The following IGSF3 variants were observed in gnomAD, a reference collection of about 807,000 sequenced individuals.
The protein encoded by IGSF3 is glu-Trp-Ile EWI motif-containing protein 3.
A neutral mutation model predicts 114.4 loss-of-function variants in IGSF3; 23 were observed. That is an observed-to-expected ratio of 0.20 (90% confidence interval 0.14 to 0.28). The LOEUF (loss-of-function observed/expected upper bound fraction) is 0.28. IGSF3 is among the 10% of genes least tolerant of loss of function. IGSF3 has a pLI of 1.00. For missense variants in IGSF3, 1,172 were observed against 1,591.5 expected (o/e 0.74, Z 4.48); for synonymous variants, 571 against 645.2 (o/e 0.88, Z 1.74).
At position 116,598,416 on chromosome 1, in the gene IGSF3, C is replaced by T. The variant is rs1488446652; in HGVS notation, c.2029+1525G>A. On this transcript the variant is annotated intron_variant, in intron 7 of 10. Transcript: ENST00000369486. The surrounding 1 kb of genome is among the most constrained non-coding windows in gnomAD (Gnocchi z 4.3). ...TCCATTTAAGCAAAACAGCCTCTTC[C>T]CTGAGCCTCTTGTCAGTCGAAGTTT... Among the ~76,000 whole-genome samples, 1 of 152,218 alleles carries T rather than the reference C, an allele frequency of 6.6e-6. No individual in the cohort carries two copies. The highest frequency in any genetic ancestry group is 2.4e-5 in the African/African-American group (1 of 41,452).
At chr1:116,621,641 A>T (rs956002773) in intron 2 of IGSF3, among the ~76,000 whole-genome samples, 28 of 152,242 alleles carry the variant, frequency 1.8e-4, no homozygotes, top group African/African-American at 6.5e-4. Context: ...TAATGTAGAC[A>T]CCTGCAGTCC....
chr1:116,614,225 G>C lies in IGSF3; in HGVS notation c.422-50C>G. 1 of 1,494,614 alleles carries C rather than the reference G, an allele frequency of 6.7e-7. No homozygotes were observed. Among genetic ancestry groups the C allele is most frequent in the Non-Finnish European group, 9.3e-7 (1 of 1,080,308 alleles). The allele number at this position is 1,494,614 out of a possible 1,614,324, so 92.6% of individuals were successfully genotyped here. ...GTGCAGTCACAAAGCCACAGAATCTGAGACTCCCAGGGCTAAGCTCCCATT... is the reference window on the plus strand; with the variant it reads ...GTGCAGTCACAAAGCCACAGAATCTCAGACTCCCAGGGCTAAGCTCCCATT... On this transcript the variant is annotated intron_variant, in intron 3 of 10. Transcript: ENST00000369486. The surrounding 1 kb of genome is among the most constrained non-coding windows in gnomAD (Gnocchi z 4.5).
Position 116,614,981 on chromosome 1 carries a change from C to A in IGSF3, c.422-806G>T, listed in dbSNP as rs1002873079. Among the ~76,000 whole-genome samples, 1 of 152,104 alleles carries A rather than the reference C, an allele frequency of 6.6e-6. No individual in the cohort carries two copies. The highest frequency in any genetic ancestry group is 2.4e-5 in the African/African-American group (1 of 41,410). ...CCCAAGGCTTGGGTCTTACGGGTCT[C>A]CTGCTGGGAACGGCCAAGTGCGGTG... On this transcript the variant is annotated intron_variant, in intron 3 of 10. Coordinates refer to ENST00000369486, the MANE Select transcript of IGSF3 (RefSeq NM_001007237.3). This position sits in a 1 kb window ranked among gnomAD's most constrained non-coding sequence, Gnocchi z 4.5.
Position 116,661,843 on chromosome 1 carries a change from A to G in IGSF3, c.43+4441T>C, listed in dbSNP as rs1649129753. 1.3e-5 allele frequency among the ~76,000 whole-genome samples: 2 copies of G among 152,212 alleles called. No individual in the cohort carries two copies. The highest frequency in any genetic ancestry group is 4.8e-5 in the African/African-American group (2 of 41,448). ...TGCAGCTAAATATGGTCACATGACT[A>G]GGTTCTAGCCAATGAGAATGTTAGT... is the stretch of plus-strand genomic sequence containing the variant. On this transcript the variant is annotated intron_variant, in intron 2 of 10. Coordinates refer to ENST00000369486, the MANE Select transcript of IGSF3 (RefSeq NM_001007237.3). The surrounding 1 kb of genome is among the most constrained non-coding windows in gnomAD (Gnocchi z 4.0).
chr1:116,664,443 C>T lies in IGSF3; in HGVS notation c.43+1841G>A, dbSNP rs517857. On this transcript the variant is annotated intron_variant, in intron 2 of 10. Transcript: ENST00000369486. This position sits in a 1 kb window ranked among gnomAD's most constrained non-coding sequence, Gnocchi z 4.6. ...AACAAAAGGCACAAATGTCACATTG[C>T]CTTGTTTTCCCATTGATGGTTACTT... 0.51 allele frequency among the ~76,000 whole-genome samples: 76,795 copies of T among 151,912 alleles called. 20,848 individuals carry two copies. The highest frequency in any genetic ancestry group is 0.61 in the Non-Finnish European group (41,194 of 67,932).
rs185422591 is a variant in IGSF3, at chr1:116,588,188, T to A, written c.2440+506A>T. On this transcript the variant is annotated intron_variant, in intron 8 of 10. Transcript: ENST00000369486. The surrounding 1 kb of genome is among the most constrained non-coding windows in gnomAD (Gnocchi z 4.9). ...AGGGAGAGGAATAAGGGCTACACCATGGGATCAAGGAAGGGCCAGAGGAGG... is the reference window on the plus strand; with the variant it reads ...AGGGAGAGGAATAAGGGCTACACCAAGGGATCAAGGAAGGGCCAGAGGAGG... Among the ~76,000 whole-genome samples, 3 of 152,114 alleles carry A rather than the reference T, an allele frequency of 2.0e-5. No homozygotes were observed. The highest frequency in any genetic ancestry group is 2.0e-4 in the Admixed American group (3 of 15,286).
chr1:116,654,317 T>G lies in IGSF3; in HGVS notation c.43+11967A>C, dbSNP rs1648756447. Reference sequence around the variant, plus strand: ...CCACCAGGCAGAATTTACAACCGTCTGGGACCTGCAGTCTCAGAGGGCTCA... The same window carrying G: ...CCACCAGGCAGAATTTACAACCGTCGGGGACCTGCAGTCTCAGAGGGCTCA... On this transcript the variant is annotated intron_variant, in intron 2 of 10. Coordinates refer to ENST00000369486, the MANE Select transcript of IGSF3 (RefSeq NM_001007237.3). The surrounding 1 kb of genome is among the most constrained non-coding windows in gnomAD (Gnocchi z 4.4). 6.6e-6 allele frequency among the ~76,000 whole-genome samples: 1 copy of G among 152,218 alleles called. No homozygotes were observed.
Position 116,603,541 on chromosome 1 carries a change from T to C in IGSF3, c.1624+83A>G. 1 of 1,387,354 alleles carries C rather than the reference T, an allele frequency of 7.2e-7. No homozygotes were observed. The highest frequency in any genetic ancestry group is 2.3e-5 in the East Asian group (1 of 43,568). 85.9% of individuals were successfully genotyped at this position (1,387,354 alleles called of 1,614,324 possible). ...TGGCCATAGTTTCCTGCTAAAACTC[T>C]GACTGAGAAAAGTCAGGATAAGGTG... On this transcript the variant is annotated intron_variant, in intron 6 of 10. Coordinates refer to ENST00000369486, the MANE Select transcript of IGSF3 (RefSeq NM_001007237.3). This position sits in a 1 kb window ranked among gnomAD's most constrained non-coding sequence, Gnocchi z 7.1.
Position 116,588,105 on chromosome 1 carries a change from G to A in IGSF3, c.2440+589C>T, listed in dbSNP as rs1659931257. ...GCCCAAAAATGGAACTGAGGCTTGC[G>A]GACTGAATAGCTCTCCCTCCCTGGA... On this transcript the variant is annotated intron_variant, in intron 8 of 10. Coordinates refer to ENST00000369486, the MANE Select transcript of IGSF3 (RefSeq NM_001007237.3). This position sits in a 1 kb window ranked among gnomAD's most constrained non-coding sequence, Gnocchi z 4.9. Among the ~76,000 whole-genome samples the A allele has an allele frequency of 6.6e-6, 1 of 152,106 alleles. No individual in the cohort carries two copies. Among genetic ancestry groups the A allele is most frequent in the South Asian group, 2.1e-4 (1 of 4,830 alleles).
In IGSF3 at chr1:116,613,790, T is replaced by C; in HGVS notation, c.807A>G (p.Gly269=). 1 of 1,613,816 alleles carries C rather than the reference T, an allele frequency of 6.2e-7. No individual in the cohort carries two copies. ...CAGTTGGCTGGACGTTGACCACGGC[T>C]CCCTCGGAACGCTTTCGGGTCATAG... ...WYAMTRKRSE[G]AVVNVQPTDK... is the part of the protein sequence containing the mutation. Residue 269 remains glycine, a synonymous_variant, in exon 4 of 11, where the codon GGA becomes GGG. Coordinates refer to ENST00000369486, the MANE Select transcript of IGSF3 (RefSeq NM_001007237.3).
chr1:116,587,415 GA>G (rs1659897606), intron 8 of IGSF3, among the ~76,000 whole-genome samples: 1 of 152,150 alleles, frequency 6.6e-6, no homozygotes, highest in South Asian at 2.1e-4. Flanking sequence ...AATGAGCTAG[GA>G]ATCCCCCTTC....
rs775047490 is a variant in IGSF3 at position 116,579,673 on chromosome 1, T to TCCG, written c.3052_3053insCGG (p.Glu1017_Glu1018insAla). The stretch of plus-strand genomic sequence containing the variant: ...GTCGTCGTCGTCGTCGTCGTCCTCC[T>TCCG]CCTCCTCCTCCTCCCTTTCCTCTTC... On this transcript the variant is annotated inframe_insertion, in exon 10 of 11. Transcript: ENST00000369486. The surrounding 1 kb of genome is among the most constrained non-coding windows in gnomAD (Gnocchi z 6.4). 1 of 1,587,924 alleles carries TCCG rather than the reference T, an allele frequency of 6.3e-7. No individual in the cohort carries two copies. Among genetic ancestry groups the TCCG allele is most frequent in the Non-Finnish European group, 8.6e-7 (1 of 1,164,282 alleles).
intron 2 of IGSF3, among the ~76,000 whole-genome samples, chr1:116,622,608 T>A (rs1330663568): frequency 2.0e-5 from 3 of 152,350 alleles, no homozygotes; most frequent in South Asian, 2.1e-4. Flanking sequence ...CTCCTTTTTT[T>A]AAATAAGCAA....
In IGSF3 at chr1:116,649,223, G is replaced by T. The variant is rs1459126319; in HGVS notation, c.43+17061C>A. ...CCTAGCCCAAGGCTGCTGTGGCATGGAAGGAATCAATGGAGGAATACATGG... is the reference window on the plus strand; with the variant it reads ...CCTAGCCCAAGGCTGCTGTGGCATGTAAGGAATCAATGGAGGAATACATGG... On this transcript the variant is annotated intron_variant, in intron 2 of 10. Coordinates refer to ENST00000369486, the MANE Select transcript of IGSF3 (RefSeq NM_001007237.3). This position sits in a 1 kb window ranked among gnomAD's most constrained non-coding sequence, Gnocchi z 4.5. Among the ~76,000 whole-genome samples the T allele has an allele frequency of 6.6e-6, 1 of 152,210 alleles. No homozygotes were observed.
chr1:116,590,825 C>T (rs1289979159), intron 7 of IGSF3, among the ~76,000 whole-genome samples: 1 of 152,080 alleles, frequency 6.6e-6, no homozygotes, highest in African/African-American at 2.4e-5. Context: ...CTCCCTGTAA[C>T]ACACAGACAA....
Position 116,576,671 on chromosome 1 carries a change from A to G in IGSF3, c.*641T>C, listed in dbSNP as rs1659355972. On this transcript the variant is annotated 3_prime_UTR_variant, in exon 11 of 11. Coordinates refer to ENST00000369486, the MANE Select transcript of IGSF3 (RefSeq NM_001007237.3). The surrounding 1 kb of genome is among the most constrained non-coding windows in gnomAD (Gnocchi z 4.6). Reference sequence around the variant, plus strand: ...TGTACATACACAGTTCTTTGAAGCAAAATTCAGTGCTTTCGTCTTGACTAC... The same window carrying G: ...TGTACATACACAGTTCTTTGAAGCAGAATTCAGTGCTTTCGTCTTGACTAC... 6.5e-6 allele frequency: 1 copy of G among 152,910 alleles called. No homozygotes were observed. The highest frequency in any genetic ancestry group is 2.4e-5 in the African/African-American group (1 of 41,448). 9.5% of individuals were successfully genotyped at this position (152,910 alleles called of 1,614,324 possible). A position where few individuals can be genotyped will look rare whatever the true frequency, so the allele number is the denominator to read the frequency against.
intron 6 of IGSF3, among the ~76,000 whole-genome samples, chr1:116,602,470 C>T (rs1660633542): frequency 6.6e-6 from 1 of 152,018 alleles, no homozygotes; most frequent in South Asian, 2.1e-4. Flanking sequence ...CTGAGCTGAT[C>T]AGGAAACGCA....
At chr1:116,639,185 G>A (rs1169926149) in intron 2 of IGSF3, among the ~76,000 whole-genome samples, 1 of 152,162 alleles carries the variant, frequency 6.6e-6, no homozygotes, top group African/African-American at 2.4e-5. Context: ...CAAAGCCAAG[G>A]CCAGAGGACA....
intron 2 of IGSF3, among the ~76,000 whole-genome samples, chr1:116,641,179 A>C (rs549504944): frequency 3.9e-4 from 60 of 152,332 alleles, no homozygotes; most frequent in African/African-American, 1.4e-3. Flanking sequence ...ACTTCGGTAC[A>C]TATTTGAAAC....
Sources: gnomAD v4.1 joint callset for allele counts (sites outside exome capture counted in the v4.1 genomes callset) on GRCh38, gnomAD v4.1.1 for gene constraint, Gnocchi (gnomAD v3.1) non-coding constraint, MANE v1.5 for transcripts, NCBI Gene and HGNC (gene_info 2026-07-23, HGNC 2026-07-21) for gene names.